The following PIGL variants were observed in gnomAD, a reference collection of about 807,000 sequenced individuals.
PIGL encodes phosphatidylinositol glycan anchor biosynthesis class L.
A neutral mutation model predicts 31.1 loss-of-function variants in PIGL; 22 were observed. The observed-to-expected ratio is 0.71, with a 90% CI of 0.51 to 1.01. The LOEUF (loss-of-function observed/expected upper bound fraction) is 1.01. Among genes scored for constraint, PIGL ranks in the 50% least tolerant of loss-of-function variants. The pLI is 0.00. For synonymous variants in PIGL, 131 were observed against 117.4 expected, an observed-to-expected ratio of 1.12 and a Z score of -0.75; for missense variants, 302 against 315.9, an observed-to-expected ratio of 0.96 and a Z score of 0.33.
intron 2 of PIGL, 121 bp from the exon 3 acceptor site, chr17:16,299,767 A>G (rs984460999): frequency 9.3e-5 from 67 of 716,888 alleles, no homozygotes; most frequent in Admixed American, 4.2e-5. Flanking sequence ...GCTGAAGCTT[A>G]AGGGCAGGGA....
At chr17:16,320,236 A>G (rs2093097937) in intron 6 of PIGL, among the ~76,000 whole-genome samples, 3 of 110,238 alleles carry the variant, frequency 2.7e-5, no homozygotes, top group African/African-American at 1.1e-4. Flanking sequence ...GAAGGAAGGA[A>G]GGAAGGAAGG....
At chr17:16,228,592 G>T (rs2142657621) in intron 1 of PIGL, among the ~76,000 whole-genome samples, 1 of 148,074 alleles carries the variant, frequency 6.8e-6, no homozygotes, top group Middle Eastern at 3.5e-3. Context: ...GTTTCACCGT[G>T]TTAGCCAGGA....
At chr17:16,302,635 C>CT (rs2093009783) in intron 3 of PIGL, among the ~76,000 whole-genome samples, 1 of 152,070 alleles carries the variant, frequency 6.6e-6, no homozygotes, top group Non-Finnish European at 1.5e-5. Context: ...GAGTCTCGCT[C>CT]TGTCACCAGG....
intron 2 of PIGL, among the ~76,000 whole-genome samples, chr17:16,246,585 C>T (rs1390597562): frequency 1.3e-5 from 2 of 151,682 alleles, no homozygotes; most frequent in Non-Finnish European, 2.9e-5. Flanking sequence ...GCTTGGGCTC[C>T]CTTAACAAAA....
At chr17:16,238,639 C>T (rs1018107598) in intron 2 of PIGL, among the ~76,000 whole-genome samples, 33 of 149,854 alleles carry the variant, frequency 2.2e-4, no homozygotes, top group Admixed American at 7.3e-4. Context: ...TGCCAGGCGC[C>T]GTGACTCACA....
rs900984633 is a variant in PIGL, at chr17:16,245,741, T to C, written c.335+11671T>C. The stretch of plus-strand genomic sequence containing the variant: ...ACACATATATATATACACACACACA[T>C]ATATATACACACACATATATATATA... On this transcript the variant is annotated intron_variant, in intron 2 of 6. Transcript: ENST00000225609. 6.6e-5 allele frequency among the ~76,000 whole-genome samples: 10 copies of C among 150,904 alleles called. No individual in the cohort carries two copies. In the Admixed American group the frequency reaches 6.7e-4, roughly 10 times the overall value.
intron 3 of PIGL, among the ~76,000 whole-genome samples, chr17:16,309,261 T>C (rs1348656405): frequency 6.6e-6 from 1 of 152,176 alleles, no homozygotes; most frequent in East Asian, 1.9e-4. Context: ...CACTGCACTA[T>C]AGCCTGCATG....
At chr17:16,268,749 G>A (rs986794651) in intron 2 of PIGL, among the ~76,000 whole-genome samples, 21 of 150,526 alleles carry the variant, frequency 1.4e-4, no homozygotes, top group African/African-American at 3.4e-4. Flanking sequence ...TGCGCCTGGC[G>A]TTTTTTTGTT....
At chr17:16,217,630 C>CACGTCCAAT in intron 1 of PIGL, 169 bp downstream of exon 1, 1 of 540,672 alleles carries the variant, frequency 1.8e-6, no homozygotes, top group Non-Finnish European at 3.2e-6. Flanking sequence ...GGCCGGCTTA[C>CACGTCCAAT]CTGGTGGGTT....
At chr17:16,271,289 T>C (rs2092870915) in intron 2 of PIGL, among the ~76,000 whole-genome samples, 1 of 152,188 alleles carries the variant, frequency 6.6e-6, no homozygotes, top group East Asian at 1.9e-4. Context: ...TTTGTGACAG[T>C]GGGCAGGCAC....
intron 6 of PIGL, among the ~76,000 whole-genome samples, chr17:16,320,224 AG>A: frequency 9.3e-6 from 1 of 107,606 alleles, no homozygotes; most frequent in Non-Finnish European, 1.8e-5. Flanking sequence ...GAAGGAAGGA[AG>A]GAAGGAAGGA....
At position 16,268,115 on chromosome 17, in the gene PIGL, C is replaced by G. The variant is rs114565006; in HGVS notation, c.336-31773C>G. 5.6e-3 allele frequency among the ~76,000 whole-genome samples: 853 copies of G among 152,222 alleles called. 13 individuals carry two copies. The highest frequency in any genetic ancestry group is 0.019 in the African/African-American group (788 of 41,524). ...CTCAGAAGAGAGGTACTTTGTCTAA[C>G]CTGAGATTTAGGGAAAGTTCTCCTG... On this transcript the variant is annotated intron_variant, in intron 2 of 6. Coordinates refer to ENST00000225609, the MANE Select transcript of PIGL (RefSeq NM_004278.4).
At chr17:16,275,087 G>C (rs983997904) in intron 2 of PIGL, among the ~76,000 whole-genome samples, 15 of 151,812 alleles carry the variant, frequency 9.9e-5, no homozygotes, top group Non-Finnish European at 2.2e-4. Context: ...CTGTTCCACC[G>C]GCCAGCAAAG....
chr17:16,227,182 C>T (rs1316134592), intron 1 of PIGL, among the ~76,000 whole-genome samples: 2 of 151,856 alleles, frequency 1.3e-5, no homozygotes, highest in African/African-American at 4.8e-5. Context: ...GATCTCGGCT[C>T]ACTGCAACCT....
At chr17:16,268,920 G>A (rs1568811229) in intron 2 of PIGL, among the ~76,000 whole-genome samples, 2 of 151,896 alleles carry the variant, frequency 1.3e-5, no homozygotes, top group Non-Finnish European at 2.9e-5. Flanking sequence ...GTGCCACCAC[G>A]CCTGGCTATT....
rs188822738 is a variant in PIGL at position 16,268,066 on chromosome 17, A to G, written c.336-31822A>G. Among the ~76,000 whole-genome samples, 446 of 152,300 alleles carry G rather than the reference A, an allele frequency of 2.9e-3. 2 individuals are homozygous for G. Among genetic ancestry groups the G allele is most frequent in the Non-Finnish European group, 5.2e-3 (351 of 68,020 alleles). On this transcript the variant is annotated intron_variant, in intron 2 of 6. Transcript: ENST00000225609. ...GCCGTGGTAACAGCAGAGATGGAGC[A>G]CAAGGGGAAGTTCAGAGAAAGATCT...
intron 2 of PIGL, among the ~76,000 whole-genome samples, chr17:16,278,896 C>G (rs944736607): frequency 4.6e-5 from 7 of 152,096 alleles, no homozygotes; most frequent in African/African-American, 1.7e-4. Context: ...AATCAAAATG[C>G]TTTCATATCA....
intron 2 of PIGL, among the ~76,000 whole-genome samples, chr17:16,259,902 C>T (rs2092812219): frequency 6.6e-6 from 1 of 152,228 alleles, no homozygotes; most frequent in Non-Finnish European, 1.5e-5. Context: ...TCAGGAAGCC[C>T]CCTGCCCCCA....
At chr17:16,255,065 A>G (rs1177326718) in intron 2 of PIGL, among the ~76,000 whole-genome samples, 1 of 152,228 alleles carries the variant, frequency 6.6e-6, no homozygotes, top group East Asian at 1.9e-4. Context: ...AAGAACTCGA[A>G]TGATGCCTAA....
Sources: allele counts gnomAD v4.1 joint callset (sites outside exome capture counted in the v4.1 genomes callset), GRCh38; gene constraint gnomAD v4.1.1; transcripts MANE v1.5; gene names NCBI Gene and HGNC (gene_info 2026-07-23, HGNC 2026-07-21).